The following NTM variants were observed in gnomAD, a reference collection of about 807,000 sequenced individuals.
NTM encodes the protein IgLON family member 2.
NTM carries 13 observed loss-of-function variants against 42.1 expected under a neutral mutation model. That is an observed-to-expected ratio of 0.31 (90% CI 0.20 to 0.49). The LOEUF is 0.49. NTM is among the 20% of genes least tolerant of loss of function. The probability of loss-of-function intolerance (pLI) is 0.99; values close to 1 mark genes in which losing one functional copy is unlikely to be tolerated. For missense variants in NTM, 373 were observed against 452.8 expected (o/e 0.82, Z 1.60); for synonymous variants, 187 against 179.2 (o/e 1.04, Z -0.35).
At chr11:132,294,130 G>A (rs992358780) in intron 4 of NTM, among the ~76,000 whole-genome samples, 3 of 152,154 alleles carry the variant, frequency 2.0e-5, no homozygotes, top group South Asian at 2.1e-4. Flanking sequence ...ATGACTTCGA[G>A]CTTTAATGAG....
chr11:132,026,200 T>A lies in NTM; in HGVS notation c.167+114552T>A, dbSNP rs922630487. On this transcript the variant is annotated intron_variant, in intron 2 of 8. Coordinates refer to ENST00000683400, the MANE Select transcript of NTM (RefSeq NM_001352005.2). ...TGCTCATAATTATTATAATTATTGCTAATACCGATAATATTCCTACTGCTA... is the reference window on the plus strand; with the variant it reads ...TGCTCATAATTATTATAATTATTGCAAATACCGATAATATTCCTACTGCTA... Among the ~76,000 whole-genome samples, 5 of 152,336 alleles carry A rather than the reference T, an allele frequency of 3.3e-5. No individual in the cohort carries two copies. In the South Asian group the frequency reaches 6.2e-4, roughly 19 times the overall value.
rs1012880550 is a variant in NTM at position 131,890,195 on chromosome 11, A to T, written c.83-21369A>T. Among the ~76,000 whole-genome samples, 266 of 144,228 alleles carry T rather than the reference A, an allele frequency of 1.8e-3. 3 individuals are homozygous for T. Among genetic ancestry groups the T allele is most frequent in the African/African-American group, 5.3e-3 (192 of 35,954 alleles). The allele number at this position is 144,228 out of a possible 152,430, so 94.6% of individuals were successfully genotyped here. A position where few individuals can be genotyped will look rare whatever the true frequency, so the allele number is the denominator to read the frequency against. ...CTCTCTCTGTCTCTCTCTCTCTCTC[A>T]CACACACACACACATATCCACCTCA... On this transcript the variant is annotated intron_variant, in intron 1 of 8. Transcript: ENST00000683400.
chr11:131,462,275 G>T (rs377035043), intron 1 of NTM, among the ~76,000 whole-genome samples: 54 of 152,302 alleles, frequency 3.5e-4, no homozygotes, highest in East Asian at 1.2e-3. Flanking sequence ...GGGCACAAGA[G>T]AATTTTTTGG....
chr11:131,685,600 C>T (rs1484963924), intron 1 of NTM, among the ~76,000 whole-genome samples: 1 of 152,176 alleles, frequency 6.6e-6, no homozygotes, highest in Non-Finnish European at 1.5e-5. Flanking sequence ...AAGTGAATAG[C>T]TCCTTCACTT....
intron 1 of NTM, among the ~76,000 whole-genome samples, chr11:131,741,364 T>C (rs1401044050): frequency 6.6e-6 from 1 of 152,152 alleles, no homozygotes; most frequent in Non-Finnish European, 1.5e-5. Flanking sequence ...CCTTCATCAC[T>C]GGGGGTCTGA....
At chr11:131,480,558 T>C (rs572454190) in intron 1 of NTM, among the ~76,000 whole-genome samples, 7 of 152,338 alleles carry the variant, frequency 4.6e-5, no homozygotes, top group Non-Finnish European at 1.5e-5. Context: ...GTGTGGAAAT[T>C]GGTTTCTAAG....
intron 1 of NTM, among the ~76,000 whole-genome samples, chr11:131,411,636 C>T (rs892051250): frequency 2.7e-5 from 4 of 147,394 alleles, no homozygotes; most frequent in Non-Finnish European, 6.0e-5. Context: ...CTGCAGTCTA[C>T]AACTCTTAGG....
At chr11:132,185,493 G>A (rs1365771469) in intron 3 of NTM, among the ~76,000 whole-genome samples, 1 of 152,144 alleles carries the variant, frequency 6.6e-6, no homozygotes, top group African/African-American at 2.4e-5. Flanking sequence ...AGAGCTTGAT[G>A]CCTTCCAATT....
chr11:132,272,797 T>A (rs1221176091), intron 4 of NTM, among the ~76,000 whole-genome samples: 1 of 152,098 alleles, frequency 6.6e-6, no homozygotes, highest in Admixed American at 6.6e-5. Flanking sequence ...TCACTGTATA[T>A]AAGATCCTGT....
intron 1 of NTM, among the ~76,000 whole-genome samples, chr11:131,833,777 G>T (rs890559762): frequency 1.3e-5 from 2 of 152,146 alleles, no homozygotes; most frequent in Non-Finnish European, 2.9e-5. Flanking sequence ...GGTTAAAGAT[G>T]GGGGGATGCA....
chr11:132,122,990 C>T (rs531474956), intron 2 of NTM, among the ~76,000 whole-genome samples: 8 of 152,270 alleles, frequency 5.3e-5, no homozygotes, highest in Non-Finnish European at 8.8e-5. Context: ...TTCCTCGCCA[C>T]GTTGAATGTA....
At chr11:131,984,178 A>G (rs995768103) in intron 2 of NTM, among the ~76,000 whole-genome samples, 3 of 152,192 alleles carry the variant, frequency 2.0e-5, no homozygotes, top group Non-Finnish European at 4.4e-5. Context: ...TCAAAATCCA[A>G]TTCAATTACT....
chr11:131,806,359 G>T (rs1351446603), intron 1 of NTM, among the ~76,000 whole-genome samples: 1 of 151,976 alleles, frequency 6.6e-6, no homozygotes, highest in African/African-American at 2.4e-5. Context: ...AAAGATATGT[G>T]GTTAAAACTG....
chr11:131,531,075 A>G (rs1029000057), intron 1 of NTM, among the ~76,000 whole-genome samples: 1 of 152,314 alleles, frequency 6.6e-6, no homozygotes, highest in East Asian at 1.9e-4. Context: ...TTCATAGATG[A>G]GAAAGCTGAG....
chr11:131,640,558 C>G (rs1325963631), intron 1 of NTM, among the ~76,000 whole-genome samples: 2 of 152,144 alleles, frequency 1.3e-5, no homozygotes, highest in Non-Finnish European at 2.9e-5. Context: ...AGAGAAAGAT[C>G]TTGTGTTACT....
chr11:132,016,091 G>A (rs551795990), intron 2 of NTM, among the ~76,000 whole-genome samples: 38 of 149,324 alleles, frequency 2.5e-4, no homozygotes, highest in African/African-American at 9.1e-4. Context: ...TTCTCTGCCT[G>A]TTGTTGAGAG....
intron 1 of NTM, among the ~76,000 whole-genome samples, chr11:131,586,744 C>T (rs1243976491): frequency 6.6e-6 from 1 of 152,150 alleles, no homozygotes; most frequent in Non-Finnish European, 1.5e-5. Context: ...TTCTATAAGA[C>T]TCTTTTCTCC....
At chr11:131,712,047 G>A (rs1444596423) in intron 1 of NTM, among the ~76,000 whole-genome samples, 1 of 150,038 alleles carries the variant, frequency 6.7e-6, no homozygotes, top group Admixed American at 6.6e-5. Flanking sequence ...ACGAGTTAAC[G>A]GGTGCAGCAC....
At chr11:132,015,728 G>C (rs1480120102) in intron 2 of NTM, among the ~76,000 whole-genome samples, 1 of 151,358 alleles carries the variant, frequency 6.6e-6, no homozygotes, top group African/African-American at 2.4e-5. Context: ...GTGCATTCCT[G>C]GTGTATAGAA....
Sources: gnomAD v4.1 joint callset for allele counts (sites outside exome capture counted in the v4.1 genomes callset) on GRCh38, gnomAD v4.1.1 for gene constraint, MANE v1.5 for transcripts, NCBI Gene and HGNC (gene_info 2026-07-23, HGNC 2026-07-21) for gene names.